CDH10: variants seen among roughly 807,000 people sequenced by gnomAD.
CDH10 encodes cadherin-10.
A neutral mutation model predicts 73.1 loss-of-function variants in CDH10; 30 were observed. The observed-to-expected ratio is 0.41, with a 90% CI of 0.31 to 0.56. The LOEUF is 0.56. CDH10 is among the 20% of genes least tolerant of loss of function. CDH10 has a pLI of 0.27. For synonymous variants in CDH10, 345 were observed against 348.2 expected, an observed-to-expected ratio of 0.99 and a Z score of 0.10; for missense variants, 815 against 973.7, an observed-to-expected ratio of 0.84 and a Z score of 2.17.
chr5:24,494,706 T>A (rs1742202069), intron 9 of CDH10, among the ~76,000 whole-genome samples: 3 of 152,016 alleles, frequency 2.0e-5, no homozygotes, highest in Admixed American at 2.0e-4. Flanking sequence ...TAATAAATTT[T>A]AAAAATTAAC....
intron 5 of CDH10, among the ~76,000 whole-genome samples, chr5:24,530,422 T>C (rs2111856042): frequency 6.6e-6 from 1 of 152,148 alleles, no homozygotes; most frequent in South Asian, 2.1e-4. Flanking sequence ...ATGATCAGTT[T>C]TCACAATTTT....
In CDH10 at chr5:24,488,154, C is replaced by G. The variant is rs750366779; in HGVS notation, c.1877-1G>C. On this transcript the variant is annotated splice_acceptor_variant, in intron 11 of 11. Transcript: ENST00000264463. LOFTEE classifies it high-confidence loss of function. ...AGAGCTGCAAACAGTACTACTATAA[C>G]TTGAAAAAAGACAAGAAGATACATT... The G allele has an allele frequency of 6.3e-7, 1 of 1,591,496 alleles. No individual in the cohort carries two copies. Among genetic ancestry groups the G allele is most frequent in the Admixed American group, 1.8e-5 (1 of 54,520 alleles).
At chr5:24,594,701 G>A (rs971082377) in intron 1 of CDH10, among the ~76,000 whole-genome samples, 1 of 151,820 alleles carries the variant, frequency 6.6e-6, no homozygotes, top group African/African-American at 2.4e-5. Context: ...TCCTGTAGAT[G>A]TTCACTTAGC....
At chr5:24,492,950 C>T (rs1742116878) in intron 9 of CDH10, 25 bp from the exon 10 acceptor site, 1 of 869,730 alleles carries the variant, frequency 1.1e-6, no homozygotes, top group African/African-American at 1.7e-5. Flanking sequence ...AAATATATCT[C>T]ATCAATATAT....
Position 24,622,117 on chromosome 5 carries a change from G to A in CDH10, c.-124+22477C>T, listed in dbSNP as rs185724264. ...TTTACTTGGGTTGAGAGAGATTGAG[G>A]TGCAGCAAGCACAGAAACAAGCAGA... On this transcript the variant is annotated intron_variant, in intron 1 of 11. Transcript: ENST00000264463. 4.4e-3 allele frequency among the ~76,000 whole-genome samples: 669 copies of A among 152,256 alleles called. 2 individuals are homozygous for A. Among genetic ancestry groups the A allele is most frequent in the South Asian group, 9.3e-3 (45 of 4,818 alleles).
chr5:24,548,051 T>C (rs1744405205), intron 2 of CDH10, among the ~76,000 whole-genome samples: 1 of 152,264 alleles, frequency 6.6e-6, no homozygotes, highest in South Asian at 2.1e-4. Context: ...TCAAAATTCA[T>C]GTAAGCGTTG....
intron 1 of CDH10, among the ~76,000 whole-genome samples, chr5:24,619,253 G>A (rs1407679965): frequency 6.6e-6 from 1 of 151,998 alleles, no homozygotes; most frequent in Non-Finnish European, 1.5e-5. Flanking sequence ...GAGTGCAGTG[G>A]CGCAATCTCG....
At chr5:24,585,634 G>A (rs756607102) in intron 2 of CDH10, among the ~76,000 whole-genome samples, 10 of 152,072 alleles carry the variant, frequency 6.6e-5, no homozygotes, top group Non-Finnish European at 2.9e-5. Flanking sequence ...ATATTGTCCA[G>A]GCTGGTCTCA....
At chr5:24,565,577 T>C (rs1303745897) in intron 2 of CDH10, among the ~76,000 whole-genome samples, 1 of 152,230 alleles carries the variant, frequency 6.6e-6, no homozygotes, top group Non-Finnish European at 1.5e-5. Context: ...CTAGATGTTT[T>C]TGACCCCCAC....
intron 2 of CDH10, among the ~76,000 whole-genome samples, chr5:24,561,964 G>T (rs1197359812): frequency 6.6e-6 from 1 of 151,770 alleles, no homozygotes; most frequent in Non-Finnish European, 1.5e-5. Context: ...ATGTGATCAA[G>T]AATTTAGTCA....
chr5:24,556,831 A>G (rs1213563372), intron 2 of CDH10, among the ~76,000 whole-genome samples: 1 of 151,866 alleles, frequency 6.6e-6, no homozygotes, highest in Non-Finnish European at 1.5e-5. Flanking sequence ...TTAATTGAGC[A>G]TAATTTATTC....
At chr5:24,638,283 T>G (rs555175783) in intron 1 of CDH10, among the ~76,000 whole-genome samples, 1 of 151,766 alleles carries the variant, frequency 6.6e-6, no homozygotes, top group East Asian at 1.9e-4. Context: ...AGGATATATA[T>G]TTTAAAAGAC....
At chr5:24,602,789 G>T (rs1181590669) in intron 1 of CDH10, among the ~76,000 whole-genome samples, 2 of 152,058 alleles carry the variant, frequency 1.3e-5, no homozygotes, top group African/African-American at 4.8e-5. Context: ...ATGGGAAAGA[G>T]ATTAAGGAAA....
At chr5:24,640,523 C>T (rs770508080) in intron 1 of CDH10, among the ~76,000 whole-genome samples, 12 of 145,742 alleles carry the variant, frequency 8.2e-5, no homozygotes, top group Non-Finnish European at 1.5e-4. Flanking sequence ...TGAATCAAGA[C>T]TACTTTCTTG....
chr5:24,541,340 A>G (rs1241393352), intron 2 of CDH10, among the ~76,000 whole-genome samples: 4 of 151,896 alleles, frequency 2.6e-5, no homozygotes, highest in African/African-American at 9.7e-5. Flanking sequence ...TTCTGGTATT[A>G]CCACCTTCCC....
intron 5 of CDH10, among the ~76,000 whole-genome samples, chr5:24,531,913 C>A (rs962746386): frequency 6.6e-6 from 1 of 152,066 alleles, no homozygotes; most frequent in Non-Finnish European, 1.5e-5. Flanking sequence ...CCAGATAACT[C>A]TTTGTCATTA....
chr5:24,498,116 T>C (rs1345647329), intron 9 of CDH10, among the ~76,000 whole-genome samples: 2 of 152,234 alleles, frequency 1.3e-5, no homozygotes, highest in Admixed American at 6.5e-5. Context: ...TCTTTGTTTT[T>C]GAAAATTTTG....
chr5:24,641,610 T>A (rs2112222436), intron 1 of CDH10, among the ~76,000 whole-genome samples: 1 of 152,244 alleles, frequency 6.6e-6, no homozygotes, highest in African/African-American at 2.4e-5. Flanking sequence ...TTTTCAAATA[T>A]GCATCTATAG....
rs76788785 is a variant in CDH10 at position 24,546,058 on chromosome 5, G to A, written c.232-8384C>T. On this transcript the variant is annotated intron_variant, in intron 2 of 11. Transcript: ENST00000264463. ...CTAGGCAGCAGACTACGGTCTCGAG[G>A]GACTATGGTCAAAGAGAGGAAAGAG... Among the ~76,000 whole-genome samples the A allele has an allele frequency of 7.3e-3, 1,115 of 152,094 alleles. 8 individuals are homozygous for A. Among genetic ancestry groups the A allele is most frequent in the African/African-American group, 0.026 (1,066 of 41,524 alleles).
Sources: gnomAD v4.1 joint callset for allele counts (sites outside exome capture counted in the v4.1 genomes callset) on GRCh38, gnomAD v4.1.1 for gene constraint, MANE v1.5 for transcripts, NCBI Gene and HGNC (gene_info 2026-07-23, HGNC 2026-07-21) for gene names.